The following SBF2 variants were observed in gnomAD, a reference collection of about 807,000 sequenced individuals.
SBF2 encodes the protein SET binding factor 2, also known as myotubularin-related protein 13.
SBF2 carries 112 observed loss-of-function variants against 225.2 expected under a neutral mutation model. That is an observed-to-expected ratio of 0.50 (90% CI 0.43 to 0.58). The LOEUF (loss-of-function observed/expected upper bound fraction) is 0.58, where lower values mean the gene tolerates loss of function less well. Among genes scored for constraint, SBF2 ranks in the 20% least tolerant of loss-of-function variants. The probability of loss-of-function intolerance (pLI) is 0.00; values close to 1 mark genes in which losing one functional copy is unlikely to be tolerated. For missense variants in SBF2, 1,996 were observed against 2,206.2 expected (o/e 0.90, Z 1.91); for synonymous variants, 763 against 773.3 (o/e 0.99, Z 0.22).
intron 2 of SBF2, among the ~76,000 whole-genome samples, chr11:10,156,143 C>T (rs951472722): frequency 3.8e-4 from 58 of 152,344 alleles, no homozygotes; most frequent in Admixed American, 1.5e-3. Context: ...GGCCTCTCCT[C>T]GCTCCCAGTG....
intron 36 of SBF2, among the ~76,000 whole-genome samples, chr11:9,786,403 C>A (rs1256590180): frequency 6.6e-6 from 1 of 152,058 alleles, no homozygotes; most frequent in African/African-American, 2.4e-5. Flanking sequence ...TAGAAAAAAT[C>A]AATAAACTAT....
At chr11:10,025,656 G>A (rs1014438325) in intron 6 of SBF2, among the ~76,000 whole-genome samples, 1 of 152,150 alleles carries the variant, frequency 6.6e-6, no homozygotes, top group Non-Finnish European at 1.5e-5. Context: ...CTGGAGTGAA[G>A]TGGCATGATC....
chr11:9,862,901 G>T (rs928748846), intron 17 of SBF2, among the ~76,000 whole-genome samples: 3 of 151,982 alleles, frequency 2.0e-5, no homozygotes, highest in Non-Finnish European at 4.4e-5. Context: ...TCATACTGAG[G>T]GTGTGAGATG....
chr11:9,939,028 TAAGC>T (rs1865081905), intron 16 of SBF2, among the ~76,000 whole-genome samples: 1 of 152,106 alleles, frequency 6.6e-6, no homozygotes, highest in Non-Finnish European at 1.5e-5. Flanking sequence ...AAAGTATACA[TAAGC>T]AAGTCAAAGA....
intron 16 of SBF2, among the ~76,000 whole-genome samples, chr11:9,941,761 T>C (rs1386706155): frequency 6.6e-6 from 1 of 152,144 alleles, no homozygotes; most frequent in Non-Finnish European, 1.5e-5. Flanking sequence ...TTTAATGTTA[T>C]ACTATAGGTC....
At chr11:10,270,379 A>G (rs897937058) in intron 1 of SBF2, among the ~76,000 whole-genome samples, 4 of 152,200 alleles carry the variant, frequency 2.6e-5, no homozygotes, top group African/African-American at 9.6e-5. Context: ...ACAATAAAGC[A>G]GACTAGAGAA....
intron 6 of SBF2, among the ~76,000 whole-genome samples, chr11:10,011,763 T>C (rs1157938876): frequency 6.6e-6 from 1 of 152,200 alleles, no homozygotes; most frequent in African/African-American, 2.4e-5. Flanking sequence ...GATGAATTAT[T>C]TTCTCTTGCT....
chr11:9,805,773 C>T (rs904973664), intron 32 of SBF2, among the ~76,000 whole-genome samples: 1 of 152,182 alleles, frequency 6.6e-6, no homozygotes, highest in African/African-American at 2.4e-5. Flanking sequence ...CAGGCGTGCG[C>T]CCCCACGTCT....
chr11:9,804,490 A>G (rs1853677442), intron 32 of SBF2, among the ~76,000 whole-genome samples: 1 of 152,212 alleles, frequency 6.6e-6, no homozygotes, highest in Admixed American at 6.5e-5. Context: ...TTAAGTGTAT[A>G]GTTTTATTAG....
At chr11:10,116,507 A>G (rs1255682293) in intron 2 of SBF2, among the ~76,000 whole-genome samples, 4 of 152,186 alleles carry the variant, frequency 2.6e-5, no homozygotes, top group African/African-American at 9.7e-5. Context: ...TTGATATATT[A>G]TTTTTCTAAA....
intron 2 of SBF2, among the ~76,000 whole-genome samples, chr11:10,172,029 T>A (rs1190423341): frequency 6.6e-6 from 1 of 152,150 alleles, no homozygotes; most frequent in Non-Finnish European, 1.5e-5. Flanking sequence ...TTTGGGTCTT[T>A]ATTTTTTTCT....
chr11:10,232,535 CT>C (rs1565382610), intron 1 of SBF2, among the ~76,000 whole-genome samples: 1 of 150,698 alleles, frequency 6.6e-6, no homozygotes, highest in Non-Finnish European at 1.5e-5. Flanking sequence ...AGTAGGGTTT[CT>C]TTTTTACATT....
intron 6 of SBF2, among the ~76,000 whole-genome samples, chr11:10,014,452 T>C (rs1442699114): frequency 7.2e-6 from 1 of 138,166 alleles, no homozygotes; most frequent in East Asian, 2.3e-4. Context: ...ATTCATTTGC[T>C]AAATCCTGTA....
chr11:10,082,204 A>T (rs758167427), intron 2 of SBF2, among the ~76,000 whole-genome samples: 1 of 152,190 alleles, frequency 6.6e-6, no homozygotes, highest in Non-Finnish European at 1.5e-5. Context: ...TTATGAATTG[A>T]CTAATAATTA....
chr11:9,979,621 G>C (rs1412023457), intron 13 of SBF2, among the ~76,000 whole-genome samples: 6 of 152,106 alleles, frequency 3.9e-5, no homozygotes, highest in Admixed American at 3.9e-4. Context: ...TAAAGTAACA[G>C]ATCTTGGCAT....
At chr11:9,937,480 T>C (rs781348746) in intron 16 of SBF2, among the ~76,000 whole-genome samples, 1 of 152,124 alleles carries the variant, frequency 6.6e-6, no homozygotes, top group Non-Finnish European at 1.5e-5. Flanking sequence ...TAGTTCAAGA[T>C]AATAAAAATT....
intron 2 of SBF2, among the ~76,000 whole-genome samples, chr11:10,139,862 G>T (rs1954560748): frequency 1.3e-5 from 2 of 152,158 alleles, no homozygotes; most frequent in South Asian, 4.1e-4. Context: ...TGTGGCTACT[G>T]GCTAGATCAT....
At chr11:9,997,594 C>T (rs899069010) in intron 9 of SBF2, among the ~76,000 whole-genome samples, 1 of 152,056 alleles carries the variant, frequency 6.6e-6, no homozygotes, top group Admixed American at 6.5e-5. Context: ...CTGACTAACA[C>T]AGTGAAACCC....
intron 2 of SBF2, among the ~76,000 whole-genome samples, chr11:10,089,347 G>A (rs759585832): frequency 7.9e-5 from 12 of 152,138 alleles, no homozygotes; most frequent in African/African-American, 1.2e-4. Flanking sequence ...ATTATGCAGA[G>A]CATGACTGTA....
Sources: gnomAD v4.1 joint callset for allele counts (sites outside exome capture counted in the v4.1 genomes callset) on GRCh38, gnomAD v4.1.1 for gene constraint, MANE v1.5 for transcripts, NCBI Gene and HGNC (gene_info 2026-07-23, HGNC 2026-07-21) for gene names.